The following SLC22A15 variants were observed in gnomAD, a reference collection of about 807,000 sequenced individuals.
SLC22A15 encodes the protein solute carrier family 22 member 15.
Under a neutral mutation model 62.7 loss-of-function variants are expected in SLC22A15, and 45 were observed. The ratio of observed to expected loss-of-function variants is 0.72; its 90% CI spans 0.56 to 0.92. SLC22A15 has a LOEUF of 0.92. Ranked by LOEUF, SLC22A15 falls within the 40% of genes least tolerant of loss-of-function variation. The pLI is 0.00. For missense variants in SLC22A15, 622 were observed against 665.6 expected, an observed-to-expected ratio of 0.93 and a Z score of 0.72; for synonymous variants, 264 against 267.0, an observed-to-expected ratio of 0.99 and a Z score of 0.11.
intron 1 of SLC22A15, among the ~76,000 whole-genome samples, chr1:115,980,117 G>C (rs1339979009): frequency 1.3e-5 from 2 of 151,934 alleles, no homozygotes; most frequent in Non-Finnish European, 2.9e-5. Flanking sequence ...AGAGGAAACT[G>C]TAATAGTCAA....
At chr1:116,056,993 T>C (rs936304906) in intron 8 of SLC22A15, among the ~76,000 whole-genome samples, 4 of 151,910 alleles carry the variant, frequency 2.6e-5, no homozygotes, top group Admixed American at 1.3e-4. Context: ...GACATAGGCA[T>C]GGGCAAGGAC....
chr1:116,016,715 C>T (rs1411807381), intron 2 of SLC22A15, among the ~76,000 whole-genome samples: 1 of 152,166 alleles, frequency 6.6e-6, no homozygotes, highest in African/African-American at 2.4e-5. Context: ...AATGTCACAA[C>T]CACCCAGAGA....
At chr1:116,064,875 T>C (rs990837959) in intron 10 of SLC22A15, among the ~76,000 whole-genome samples, 2 of 152,092 alleles carry the variant, frequency 1.3e-5, no homozygotes, top group Non-Finnish European at 2.9e-5. Flanking sequence ...ATAGTAACCA[T>C]AAGAGGAAGG....
chr1:116,012,408 C>T (rs924929352), intron 2 of SLC22A15, among the ~76,000 whole-genome samples: 2 of 123,300 alleles, frequency 1.6e-5, no homozygotes, highest in African/African-American at 2.6e-5. Context: ...AAATAAGACC[C>T]TGTCCCTTAA....
intron 4 of SLC22A15, among the ~76,000 whole-genome samples, chr1:116,024,031 T>G (rs1327796009): frequency 6.6e-6 from 1 of 152,198 alleles, no homozygotes; most frequent in African/African-American, 2.4e-5. Context: ...TGTTTTTTAC[T>G]TGAAGTACAG....
chr1:116,050,560 G>A (rs1465743691), intron 8 of SLC22A15, among the ~76,000 whole-genome samples: 2 of 151,502 alleles, frequency 1.3e-5, no homozygotes, highest in East Asian at 1.9e-4. Context: ...ATTATAACTC[G>A]GCATACGAGG....
intron 8 of SLC22A15, among the ~76,000 whole-genome samples, chr1:116,061,170 GT>G (rs1367884587): frequency 1.3e-5 from 2 of 152,160 alleles, no homozygotes; most frequent in Non-Finnish European, 2.9e-5. Flanking sequence ...ATACAAGGAA[GT>G]TACCAACCTG....
intron 8 of SLC22A15, among the ~76,000 whole-genome samples, chr1:116,048,327 T>G (rs1657977127): frequency 1.3e-5 from 2 of 152,158 alleles, no homozygotes; most frequent in Non-Finnish European, 2.9e-5. Flanking sequence ...TAAGAAACTG[T>G]GAGACAGAAG....
intron 2 of SLC22A15, among the ~76,000 whole-genome samples, chr1:116,011,831 G>A (rs779709950): frequency 2.0e-5 from 3 of 152,142 alleles, no homozygotes; most frequent in Non-Finnish European, 4.4e-5. Context: ...CATACTGAGA[G>A]TGGTCTTTTT....
intron 8 of SLC22A15, among the ~76,000 whole-genome samples, chr1:116,058,615 G>C (rs1658291617): frequency 6.6e-6 from 1 of 151,990 alleles, no homozygotes; most frequent in Admixed American, 6.6e-5. Context: ...CCCACTACTG[G>C]GTATCTACCC....
intron 8 of SLC22A15, among the ~76,000 whole-genome samples, chr1:116,042,708 C>T (rs1212902605): frequency 6.6e-6 from 1 of 152,150 alleles, no homozygotes; most frequent in African/African-American, 2.4e-5. Flanking sequence ...AAAGCAAAAA[C>T]ATACAGAATT....
intron 2 of SLC22A15, among the ~76,000 whole-genome samples, chr1:116,005,191 GT>G (rs1655917317): frequency 6.6e-6 from 1 of 151,982 alleles, no homozygotes; most frequent in South Asian, 2.1e-4. Flanking sequence ...CTGTTCTTTA[GT>G]GGAAGGAATA....
intron 4 of SLC22A15, among the ~76,000 whole-genome samples, chr1:116,026,108 G>C (rs1657072928): frequency 6.6e-6 from 1 of 152,100 alleles, no homozygotes; most frequent in African/African-American, 2.4e-5. Context: ...AATTGGGAGA[G>C]TGAGTTGTGA....
intron 2 of SLC22A15, among the ~76,000 whole-genome samples, chr1:116,002,550 C>G (rs559495222): frequency 6.6e-6 from 1 of 151,708 alleles, no homozygotes; most frequent in African/African-American, 2.4e-5. Context: ...GAGCTGGTAC[C>G]GAGATTGCAA....
Position 116,011,409 on chromosome 1 carries a change from A to G in SLC22A15, c.301-8173A>G, listed in dbSNP as rs553951387. ...AGAATGGCATTCGGTGGCTCCAAGG[A>G]AATGGTGACCAATTAGGTAGTTCCC... On this transcript the variant is annotated intron_variant, in intron 2 of 11. Coordinates refer to ENST00000369503, the MANE Select transcript of SLC22A15 (RefSeq NM_018420.3). Among the ~76,000 whole-genome samples the G allele has an allele frequency of 3.3e-4, 50 of 152,280 alleles. 1 individual carries two copies. In the South Asian group the frequency reaches 0.01, roughly 32 times the overall value.
intron 8 of SLC22A15, 129 bp downstream of exon 8, chr1:116,037,517 G>T: frequency 1.4e-6 from 1 of 714,060 alleles, no homozygotes; most frequent in Non-Finnish European, 2.5e-6. Flanking sequence ...AATTGTGTGG[G>T]ATATAATGGG....
intron 2 of SLC22A15, among the ~76,000 whole-genome samples, chr1:115,998,358 G>A (rs201191173): frequency 6.6e-6 from 1 of 152,108 alleles, no homozygotes; most frequent in Non-Finnish European, 1.5e-5. Flanking sequence ...CTTTGAGTAG[G>A]ATTGGTATTA....
chr1:115,980,649 T>C (rs1654565126), intron 1 of SLC22A15, among the ~76,000 whole-genome samples: 2 of 151,868 alleles, frequency 1.3e-5, no homozygotes, highest in South Asian at 4.2e-4. Flanking sequence ...CATAAATATA[T>C]ATAAACAGTA....
chr1:116,027,084 G>A (rs919948481), intron 5 of SLC22A15, 62 bp downstream of exon 5: 4 of 1,499,066 alleles, frequency 2.7e-6, no homozygotes, highest in African/African-American at 1.4e-5. Context: ...TTAAGAGGAT[G>A]TGGGTCAATG....
Sources: gnomAD v4.1 joint callset for allele counts (sites outside exome capture counted in the v4.1 genomes callset) on GRCh38, gnomAD v4.1.1 for gene constraint, MANE v1.5 for transcripts, NCBI Gene and HGNC (gene_info 2026-07-23, HGNC 2026-07-21) for gene names.